ACO2: variants seen among roughly 807,000 people sequenced by gnomAD.
ACO2 encodes aconitate hydratase, mitochondrial.
In ACO2, 31 loss-of-function variants were observed where a neutral mutation model predicts 84.5. The observed-to-expected ratio is 0.37, with a 90% CI of 0.28 to 0.50. ACO2 has a LOEUF of 0.50. ACO2 is among the 20% of genes least tolerant of loss of function. The pLI is 0.97. For synonymous variants in ACO2, 414 were observed against 412.7 expected, an observed-to-expected ratio of 1.00 and a Z score of -0.04; for missense variants, 685 against 1,029.3, an observed-to-expected ratio of 0.67 and a Z score of 4.58.
intron 1 of ACO2, among the ~76,000 whole-genome samples, chr22:41,475,494 A>C (rs1601876473): frequency 6.6e-6 from 1 of 152,072 alleles, no homozygotes; most frequent in Middle Eastern, 3.4e-3. Flanking sequence ...GCTTTCTTTG[A>C]CTTGCCTCGT....
intron 2 of ACO2, among the ~76,000 whole-genome samples, chr22:41,506,934 G>A (rs1601908458): frequency 6.6e-6 from 1 of 151,924 alleles, no homozygotes; most frequent in Non-Finnish European, 1.5e-5. Context: ...GGAGTCAGCC[G>A]GAACGTTGAG....
In ACO2 at chr22:41,522,993, T is replaced by C; in HGVS notation, c.1296+6T>C. 6.2e-7 allele frequency: 1 copy of C among 1,613,960 alleles called. No homozygotes were observed. Among genetic ancestry groups the C allele is most frequent in the Non-Finnish European group, 8.5e-7 (1 of 1,179,924 alleles). ...CCATTGAGCGGGACGGCTATGTGAG[T>C]GCCCATATCCCCCTGCCCATCTCCC... On this transcript the variant is annotated splice_donor_region_variant and intron_variant, in intron 10 of 17. Coordinates refer to ENST00000216254, the MANE Select transcript of ACO2 (RefSeq NM_001098.3).
intron 6 of ACO2, chr22:41,517,189 T>C (rs2066482257): frequency 3.0e-6 from 1 of 334,276 alleles, no homozygotes; most frequent in Admixed American, 3.8e-5. Context: ...CAGGTCAGCC[T>C]ACAGTACGTG....
At chr22:41,510,385 GA>G (rs2066425100) in intron 3 of ACO2, among the ~76,000 whole-genome samples, 1 of 152,204 alleles carries the variant, frequency 6.6e-6, no homozygotes. Flanking sequence ...ATTTGTAAAT[GA>G]AAAAGCTGAT....
At chr22:41,494,381 C>G (rs1189319650) in intron 1 of ACO2, among the ~76,000 whole-genome samples, 1 of 150,170 alleles carries the variant, frequency 6.7e-6, no homozygotes. Context: ...ACATCATAGT[C>G]TTTCTTTACC....
chr22:41,480,406 A>T (rs2038073003), intron 1 of ACO2, among the ~76,000 whole-genome samples: 1 of 152,270 alleles, frequency 6.6e-6, no homozygotes, highest in South Asian at 2.1e-4. Flanking sequence ...TGGATAGATG[A>T]GGCCTTTTCA....
intron 1 of ACO2, among the ~76,000 whole-genome samples, chr22:41,496,725 C>T (rs2066316637): frequency 6.6e-6 from 1 of 152,180 alleles, no homozygotes; most frequent in Non-Finnish European, 1.5e-5. Context: ...GTGAGGCAGG[C>T]AGTGAGGAGC....
At position 41,524,973 on chromosome 22, in the gene ACO2, G is replaced by A; in HGVS notation, c.1605+5G>A. ...GCAGATGAGCTTCCCAAAGGGGTGA[G>A]CGCCCACGCCCCCTGCTTGCTGGTT... On this transcript the variant is annotated splice_donor_5th_base_variant and intron_variant, in intron 13 of 17. Transcript: ENST00000216254. 2 of 1,614,158 alleles carry A rather than the reference G, an allele frequency of 1.2e-6. No homozygotes were observed. The highest frequency in any genetic ancestry group is 1.7e-6 in the Non-Finnish European group (2 of 1,180,036).
chr22:41,524,954 G>A lies in ACO2; in HGVS notation c.1591G>A (p.Glu531Lys). The A allele has an allele frequency of 6.2e-7, 1 of 1,614,206 alleles. No individual in the cohort carries two copies. The highest frequency in any genetic ancestry group is 8.5e-7 in the Non-Finnish European group (1 of 1,180,034). The change falls in exon 13 of 18, where the codon GAG becomes AAG. Residue 531 changes from glutamate (E) to lysine (K), a missense_variant. Physicochemically the swap from Glu to Lys is moderately conservative, Grantham distance 56 (BLOSUM62 1). Around this residue, in one of 5 missense-constraint regions of ACO2, gnomAD observed 311 missense variants for 441.6 expected, o/e 0.70. Coordinates refer to ENST00000216254, the MANE Select transcript of ACO2 (RefSeq NM_001098.3). ...CAGGCTGGAGGCTCCGGATGCAGAT[G>A]AGCTTCCCAAAGGGGTGAGCGCCCA... ...KFRLEAPDAD[E>K]LPKGEFDPGQ...
chr22:41,527,162 C>T, intron 15 of ACO2, 126 bp from the exon 16 acceptor site: 1 of 1,437,310 alleles, frequency 7.0e-7, no homozygotes, highest in South Asian at 1.2e-5. Context: ...AAGGGCCCCT[C>T]CAGCCCCTTT....
chr22:41,472,079 G>A (rs1218526873), intron 1 of ACO2, among the ~76,000 whole-genome samples: 1 of 152,180 alleles, frequency 6.6e-6, no homozygotes, highest in African/African-American at 2.4e-5. Flanking sequence ...TTGTGGCAGG[G>A]TGCAGTGTCT....
At position 41,486,721 on chromosome 22, in the gene ACO2, C is replaced by T. The variant is rs1481387446; in HGVS notation, c.37-13005C>T. On this transcript the variant is annotated intron_variant, in intron 1 of 17. Coordinates refer to ENST00000216254, the MANE Select transcript of ACO2 (RefSeq NM_001098.3). The stretch of plus-strand genomic sequence containing the variant: ...TCCTGACGTTGTGATCCGCTCGCCT[C>T]GGCCTCCCAAAGTGCTGGGATTACA... Among the ~76,000 whole-genome samples, 9 of 151,986 alleles carry T rather than the reference C, an allele frequency of 5.9e-5. No homozygotes were observed. In the East Asian group the frequency reaches 1.7e-3, roughly 29 times the overall value.
chr22:41,481,566 G>A (rs1312284231), intron 1 of ACO2, among the ~76,000 whole-genome samples: 1 of 152,212 alleles, frequency 6.6e-6, no homozygotes, highest in African/African-American at 2.4e-5. Context: ...GAAGACCTCC[G>A]ACCTCCGTCC....
At position 41,525,721 on chromosome 22, in the gene ACO2, A is replaced by G. The variant is rs2066579664; in HGVS notation, c.1761+373A>G. 6 of 261,416 alleles carry G rather than the reference A, an allele frequency of 2.3e-5. No individual in the cohort carries two copies. The South Asian group carries it at 3.8e-4, about 17-fold the overall frequency. The allele number at this position is 261,416 out of a possible 1,614,324, so 16.2% of individuals were successfully genotyped here. Reference sequence around the variant, plus strand: ...CACGTCCACACAGGCTCTGGAAGCCATGGACAACTCCTGCCCCCACAGTTG... The same window carrying G: ...CACGTCCACACAGGCTCTGGAAGCCGTGGACAACTCCTGCCCCCACAGTTG... On this transcript the variant is annotated intron_variant, in intron 14 of 17. Coordinates refer to ENST00000216254, the MANE Select transcript of ACO2 (RefSeq NM_001098.3).
chr22:41,470,091 CCTGTTAGGAG>C (rs2037925572), intron 1 of ACO2, among the ~76,000 whole-genome samples: 1 of 152,148 alleles, frequency 6.6e-6, no homozygotes, highest in Non-Finnish European at 1.5e-5. Context: ...CCTTGACTCC[CCTGTTAGGAG>C]CTATCTAGAA....
chr22:41,494,802 C>T (rs1001459402), intron 1 of ACO2, among the ~76,000 whole-genome samples: 7 of 150,662 alleles, frequency 4.6e-5, no homozygotes, highest in South Asian at 2.1e-4. Flanking sequence ...GGCGGGATCT[C>T]GGCTCACTGC....
chr22:41,511,410 G>T (rs943346987), intron 3 of ACO2, among the ~76,000 whole-genome samples: 17 of 152,228 alleles, frequency 1.1e-4, no homozygotes, highest in African/African-American at 4.1e-4. Context: ...GACCTCAAGT[G>T]ATCTGCCTGC....
intron 1 of ACO2, among the ~76,000 whole-genome samples, chr22:41,483,656 TAAAAAAAAAA>T (rs112836153): frequency 4.5e-5 from 6 of 133,670 alleles, no homozygotes; most frequent in Non-Finnish European, 9.7e-5. Flanking sequence ...GACTCCGTCT[TAAAAAAAAAA>T]AAAAAGAAAA....
At chr22:41,506,917 GCAGCCGGGAGT>G (rs1005351569) in intron 2 of ACO2, among the ~76,000 whole-genome samples, 86 of 152,110 alleles carry the variant, frequency 5.7e-4, no homozygotes, top group African/African-American at 2.0e-3. Flanking sequence ...TTGTGTGGGT[GCAGCCGGGAGT>G]CAGCCGGAAC....
Sources: allele counts gnomAD v4.1 joint callset (sites outside exome capture counted in the v4.1 genomes callset), GRCh38; gene constraint gnomAD v4.1.1; regional missense constraint gnomAD v4.1.1; transcripts MANE v1.5; gene names NCBI Gene and HGNC (gene_info 2026-07-23, HGNC 2026-07-21).